The following FOXP1 variants were observed in gnomAD, a reference collection of about 807,000 sequenced individuals.
FOXP1 encodes the protein forkhead box P1.
A neutral mutation model predicts 98.2 loss-of-function variants in FOXP1; 15 were observed. The ratio of observed to expected loss-of-function variants is 0.15; its 90% CI spans 0.10 to 0.24. The LOEUF is 0.24. FOXP1 is among the 10% of genes least tolerant of loss of function. The pLI is 1.00. For missense variants in FOXP1, 633 were observed against 848.5 expected (o/e 0.75, Z 3.15); for synonymous variants, 371 against 314.5 (o/e 1.18, Z -1.90).
chr3:71,121,542 G>C (rs1297997629), intron 6 of FOXP1, among the ~76,000 whole-genome samples: 2 of 151,868 alleles, frequency 1.3e-5, no homozygotes, highest in Non-Finnish European at 2.9e-5. Flanking sequence ...CCACCTTGCT[G>C]AGGCACTGGC....
chr3:71,217,142 G>A (rs1277083515), intron 5 of FOXP1, among the ~76,000 whole-genome samples: 3 of 151,990 alleles, frequency 2.0e-5, no homozygotes, highest in Non-Finnish European at 4.4e-5. Flanking sequence ...GCATGACCTC[G>A]GCTCACTGCA....
In FOXP1 at chr3:71,440,264, C is replaced by A. The variant is rs188223952; in HGVS notation, c.-168+53162G>T. ...AAATTCTGTTATGTGTATTTTACCA[C>A]AATTAAAAATAACAAACAAGTCCAG... On this transcript the variant is annotated intron_variant, in intron 3 of 20. Coordinates refer to ENST00000649528, the MANE Select transcript of FOXP1 (RefSeq NM_001349338.3). Among the ~76,000 whole-genome samples the A allele has an allele frequency of 2.0e-5, 3 of 152,166 alleles. No homozygotes were observed. In the East Asian group the frequency reaches 5.8e-4, roughly 30 times the overall value.
intron 3 of FOXP1, among the ~76,000 whole-genome samples, chr3:71,489,529 A>G (rs2090911558): frequency 6.6e-6 from 1 of 152,184 alleles, no homozygotes; most frequent in African/African-American, 2.4e-5. Flanking sequence ...TATTAATAAC[A>G]CTGTGGCTAA....
At chr3:71,165,644 G>T (rs1332114907) in intron 6 of FOXP1, among the ~76,000 whole-genome samples, 1 of 152,122 alleles carries the variant, frequency 6.6e-6, no homozygotes, top group East Asian at 1.9e-4. Flanking sequence ...AATTTGCCAT[G>T]TGGTCCATGG....
At chr3:71,216,267 G>T (rs1053310161) in intron 5 of FOXP1, among the ~76,000 whole-genome samples, 1 of 152,306 alleles carries the variant, frequency 6.6e-6, no homozygotes, top group East Asian at 1.9e-4. Flanking sequence ...GCCTCATTTC[G>T]CGTGAACTCA....
chr3:70,975,376 A>C (rs2037281486), intron 17 of FOXP1, among the ~76,000 whole-genome samples: 2 of 152,126 alleles, frequency 1.3e-5, no homozygotes, highest in Non-Finnish European at 2.9e-5. Context: ...TTCAGTGCCC[A>C]TGTGTCTTAA....
At chr3:71,122,244 A>C (rs1044093375) in intron 6 of FOXP1, among the ~76,000 whole-genome samples, 1 of 152,200 alleles carries the variant, frequency 6.6e-6, no homozygotes, top group African/African-American at 2.4e-5. Flanking sequence ...TTGCTTCACA[A>C]AGTACCTTCC....
At chr3:71,562,412 C>A (rs73837402) in intron 2 of FOXP1, among the ~76,000 whole-genome samples, 18 of 152,162 alleles carry the variant, frequency 1.2e-4, no homozygotes, top group African/African-American at 2.4e-5. Context: ...AAGGGTCATG[C>A]GGCTTGTCAG....
intron 7 of FOXP1, among the ~76,000 whole-genome samples, chr3:71,057,055 TCACTG>T (rs2050749174): frequency 6.6e-6 from 1 of 152,170 alleles, no homozygotes; most frequent in Admixed American, 6.5e-5. Context: ...AACCTATTGA[TCACTG>T]TAACTACTAT....
chr3:71,411,313 G>A (rs868366702), intron 3 of FOXP1, among the ~76,000 whole-genome samples: 1 of 139,496 alleles, frequency 7.2e-6, no homozygotes, highest in Non-Finnish European at 1.5e-5. Context: ...GTGTGTGTGT[G>A]TGTGTATGTG....
chr3:71,386,954 A>G (rs2080636867), intron 3 of FOXP1, among the ~76,000 whole-genome samples: 1 of 151,954 alleles, frequency 6.6e-6, no homozygotes, highest in Non-Finnish European at 1.5e-5. Flanking sequence ...TACCTTTCCA[A>G]CCTACTAATA....
At chr3:71,064,867 G>T (rs1031110359) in intron 7 of FOXP1, 2 of 973,272 alleles carry the variant, frequency 2.1e-6, no homozygotes, top group African/African-American at 3.5e-5. Flanking sequence ...AGCCGGGCTC[G>T]GGGCGCCCGC....
chr3:71,263,714 T>A (rs1270258328), intron 5 of FOXP1, among the ~76,000 whole-genome samples: 1 of 151,868 alleles, frequency 6.6e-6, no homozygotes, highest in Non-Finnish European at 1.5e-5. Flanking sequence ...AATGATCAGG[T>A]TGACCATACT....
intron 12 of FOXP1, among the ~76,000 whole-genome samples, chr3:71,005,569 G>A (rs755097131): frequency 1.1e-4 from 17 of 151,956 alleles, no homozygotes; most frequent in Non-Finnish European, 2.1e-4. Context: ...GACACATCAT[G>A]GATGGAAAAC....
At chr3:70,960,113 C>G (rs2032966655) in intron 20 of FOXP1, among the ~76,000 whole-genome samples, 1 of 152,124 alleles carries the variant, frequency 6.6e-6, no homozygotes, top group South Asian at 2.1e-4. Context: ...GAGGTTCTAT[C>G]ATTAATCAAC....
intron 2 of FOXP1, among the ~76,000 whole-genome samples, chr3:71,524,229 T>C (rs1458705311): frequency 2.0e-5 from 3 of 152,052 alleles, no homozygotes; most frequent in Admixed American, 6.5e-5. Context: ...CCGGGCATGG[T>C]GGTGTACGCC....
chr3:71,020,200 G>C (rs2045222827), intron 11 of FOXP1, among the ~76,000 whole-genome samples: 1 of 152,068 alleles, frequency 6.6e-6, no homozygotes, highest in Admixed American at 6.6e-5. Context: ...TAGCATTTCA[G>C]ATTAGAAAGA....
At position 71,035,127 on chromosome 3, in the gene FOXP1, G is replaced by A. The variant is rs138201964; in HGVS notation, c.869+6201C>T. 2.6e-5 allele frequency among the ~76,000 whole-genome samples: 4 copies of A among 152,338 alleles called. No individual in the cohort carries two copies. The East Asian group carries it at 7.7e-4, about 29-fold the overall frequency. ...CAGATCCTGATGCAGGTCTGGGGCA[G>A]GGCCAGAGACTGAGTTTCTAACAAG... is the stretch of plus-strand genomic sequence containing the variant. On this transcript the variant is annotated intron_variant, in intron 11 of 20. Coordinates refer to ENST00000649528, the MANE Select transcript of FOXP1 (RefSeq NM_001349338.3).
At chr3:71,188,146 A>G (rs2108319263) in intron 6 of FOXP1, among the ~76,000 whole-genome samples, 1 of 152,270 alleles carries the variant, frequency 6.6e-6, no homozygotes, top group Non-Finnish European at 1.5e-5. Flanking sequence ...TTGAAAAGCA[A>G]AAGACATTTT....
Sources: gnomAD v4.1 joint callset for allele counts (sites outside exome capture counted in the v4.1 genomes callset) on GRCh38, gnomAD v4.1.1 for gene constraint, MANE v1.5 for transcripts, NCBI Gene and HGNC (gene_info 2026-07-23, HGNC 2026-07-21) for gene names.